Variants in CSNK1G3 observed in about 807,000 individuals in gnomAD.
CSNK1G3 encodes the protein casein kinase I isoform gamma-3.
CSNK1G3 carries 23 observed loss-of-function variants against 64.3 expected under a neutral mutation model. The ratio of observed to expected loss-of-function variants is 0.36; its 90% CI spans 0.26 to 0.51. CSNK1G3 has a LOEUF of 0.51. Ranked by LOEUF, CSNK1G3 falls within the 20% of genes least tolerant of loss-of-function variation. The pLI, the probability that CSNK1G3 is intolerant of heterozygous loss-of-function variation, is 0.96. For missense variants in CSNK1G3, 357 were observed against 510.5 expected (o/e 0.70, Z 2.90); for synonymous variants, 158 against 162.2 (o/e 0.97, Z 0.20).
chr5:123,524,879 G>A (rs1456689946), intron 1 of CSNK1G3, among the ~76,000 whole-genome samples: 1 of 152,076 alleles, frequency 6.6e-6, no homozygotes, highest in Non-Finnish European at 1.5e-5. Flanking sequence ...ATAATGGGTG[G>A]GGGGGAGCAC....
chr5:123,533,414 A>C (rs1307449042), intron 1 of CSNK1G3, among the ~76,000 whole-genome samples: 1 of 151,928 alleles, frequency 6.6e-6, no homozygotes, highest in Non-Finnish European at 1.5e-5. Context: ...AAGCTTTTGA[A>C]TCAAGTAGTA....
intron 4 of CSNK1G3, among the ~76,000 whole-genome samples, chr5:123,572,667 A>G (rs6595459): frequency 0.6 from 91,429 of 152,000 alleles, 28,692 homozygotes; most frequent in African/African-American, 0.78. Context: ...TTACTTCCTC[A>G]AGGATTCCTA....
intron 2 of CSNK1G3, among the ~76,000 whole-genome samples, chr5:123,546,490 C>T (rs975544349): frequency 6.6e-6 from 1 of 152,026 alleles, no homozygotes; most frequent in Non-Finnish European, 1.5e-5. Context: ...ATGTTCACAA[C>T]AATTGAATAA....
chr5:123,573,500 A>C (rs1458378906), exon 5 of CSNK1G3: 3 of 1,613,634 alleles, frequency 1.9e-6, no homozygotes, highest in African/African-American at 1.3e-5. Flanking sequence ...GTGTGACAGA[A>C]CATTTTCTCT....
intron 1 of CSNK1G3, among the ~76,000 whole-genome samples, chr5:123,523,971 T>C (rs1268638451): frequency 6.6e-6 from 1 of 152,246 alleles, no homozygotes; most frequent in Non-Finnish European, 1.5e-5. Flanking sequence ...CTGTATCACC[T>C]GTCAAAAATC....
At chr5:123,556,716 T>C (rs1418095761) in intron 3 of CSNK1G3, among the ~76,000 whole-genome samples, 3 of 152,008 alleles carry the variant, frequency 2.0e-5, no homozygotes, top group Non-Finnish European at 4.4e-5. Flanking sequence ...TATTTTCATA[T>C]TTAATATTAT....
chr5:123,596,050 A>T (rs1179552351), intron 10 of CSNK1G3, among the ~76,000 whole-genome samples: 1 of 151,960 alleles, frequency 6.6e-6, no homozygotes, highest in Non-Finnish European at 1.5e-5. Context: ...TAGTGTATAT[A>T]TTTAATCAAC....
intron 1 of CSNK1G3, among the ~76,000 whole-genome samples, chr5:123,533,211 C>G (rs950218824): frequency 2.6e-5 from 4 of 151,826 alleles, no homozygotes; most frequent in Non-Finnish European, 5.9e-5. Context: ...TATTCTTGCC[C>G]CGTCCTTCCT....
At chr5:123,614,600 T>A in exon 13 of CSNK1G3, 1 of 450,686 alleles carries the variant, frequency 2.2e-6, no homozygotes, top group Non-Finnish European at 3.9e-6. Context: ...ATGGAAGCTT[T>A]AAAGTTTTGT....
At chr5:123,520,659 A>T (rs1258452703) in intron 1 of CSNK1G3, among the ~76,000 whole-genome samples, 1 of 152,050 alleles carries the variant, frequency 6.6e-6, no homozygotes, top group East Asian at 1.9e-4. Context: ...CTTATCTTAA[A>T]ATTTTAAATT....
chr5:123,595,197 G>T lies in CSNK1G3; in HGVS notation c.1086+3783G>T, dbSNP rs530911724. The stretch of plus-strand genomic sequence containing the variant: ...ATTTATACAACTAACCCTTTTTTTT[G>T]GAACTCATGGCATGATTTCATATCT... On this transcript the variant is annotated intron_variant, in intron 10 of 12. Transcript: ENST00000345990. The T allele has an allele frequency of 1.1e-4, 153 of 1,380,916 alleles. No individual in the cohort carries two copies. The African/African-American group carries it at 2.0e-3, about 18-fold the overall frequency. The allele number at this position is 1,380,916 out of a possible 1,614,324, so 85.5% of individuals were successfully genotyped here. A position where few individuals can be genotyped will look rare whatever the true frequency, so the allele number is the denominator to read the frequency against.
chr5:123,579,581 G>A (rs1338014012), intron 6 of CSNK1G3, among the ~76,000 whole-genome samples: 1 of 151,892 alleles, frequency 6.6e-6, no homozygotes, highest in South Asian at 2.1e-4. Context: ...TTTATTGTGA[G>A]ACATGAAGTC....
At position 123,525,997 on chromosome 5, in the gene CSNK1G3, CAA is replaced by C. The variant is rs775868312; in HGVS notation, c.-248+13444_-248+13445del. Among the ~76,000 whole-genome samples the C allele has an allele frequency of 3.9e-4, 22 of 56,430 alleles. No individual in the cohort carries two copies. In the East Asian group the frequency reaches 4.5e-3, roughly 12 times the overall value. The allele number at this position is 56,430 out of a possible 152,430, so 37.0% of individuals were successfully genotyped here. On this transcript the variant is annotated intron_variant, in intron 1 of 12. Transcript: ENST00000345990. ...TGGGCGACAGAGCGAGACTCCGTCT[CAA>C]AAAAAAAAAAAAAAAAGTAGAAATA...
At chr5:123,582,786 C>A (rs2150859995) in intron 6 of CSNK1G3, among the ~76,000 whole-genome samples, 1 of 152,164 alleles carries the variant, frequency 6.6e-6, no homozygotes, top group South Asian at 2.1e-4. Flanking sequence ...TGTAAAAGAA[C>A]TGTTAAAGAC....
chr5:123,585,245 T>C (rs1296680698), intron 6 of CSNK1G3, among the ~76,000 whole-genome samples: 2 of 151,672 alleles, frequency 1.3e-5, no homozygotes, highest in Admixed American at 6.6e-5. Flanking sequence ...TATATGAGAG[T>C]AGCTAGATAT....
At chr5:123,573,569 T>A in intron 5 of CSNK1G3, 28 bp downstream of exon 5, 1 of 1,554,358 alleles carries the variant, frequency 6.4e-7, no homozygotes, top group Non-Finnish European at 8.7e-7. Flanking sequence ...TTTGAAGTTG[T>A]TTGAACAATT....
intron 4 of CSNK1G3, among the ~76,000 whole-genome samples, chr5:123,568,356 A>G (rs768574696): frequency 1.3e-5 from 2 of 151,972 alleles, no homozygotes; most frequent in Admixed American, 6.6e-5. Context: ...TCTCGGTCCA[A>G]CCACTGGGCT....
At chr5:123,576,229 C>T (rs184176479) in intron 6 of CSNK1G3, among the ~76,000 whole-genome samples, 2 of 152,012 alleles carry the variant, frequency 1.3e-5, no homozygotes, top group African/African-American at 4.8e-5. Flanking sequence ...AACTTTGATA[C>T]AGTTATGGGG....
At chr5:123,552,931 A>T (rs1783966563) in intron 2 of CSNK1G3, 176 bp from the exon 3 acceptor site, 5 of 394,940 alleles carry the variant, frequency 1.3e-5, no homozygotes, top group South Asian at 5.5e-5. Flanking sequence ...GAAATACTAA[A>T]TACATCGAGT....
Sources: allele counts gnomAD v4.1 joint callset (sites outside exome capture counted in the v4.1 genomes callset), GRCh38; gene constraint gnomAD v4.1.1; transcripts MANE v1.5; gene names NCBI Gene and HGNC (gene_info 2026-07-23, HGNC 2026-07-21).